Variants in MAF observed in about 807,000 individuals in gnomAD.
MAF encodes the protein transcription factor Maf.
Under a neutral mutation model 22.0 loss-of-function variants are expected in MAF, and 10 were observed. That is an observed-to-expected ratio of 0.45 (90% CI 0.28 to 0.77). The LOEUF is 0.77. Ranked by LOEUF, MAF falls within the 30% of genes least tolerant of loss-of-function variation. The pLI, the probability that MAF is intolerant of heterozygous loss-of-function variation, is 0.12. For synonymous variants in MAF, 337 were observed against 255.8 expected (o/e 1.32, Z -3.03); for missense variants, 544 against 548.4 (o/e 0.99, Z 0.08).
At chr16:79,544,065 G>A in the MAF span, among the ~76,000 whole-genome samples, 1 of 152,082 alleles carries the variant, frequency 6.6e-6, no homozygotes, top group Non-Finnish European at 1.5e-5. Flanking sequence ...ACTAAAAACG[G>A]GAAAATGTTT....
the MAF span, among the ~76,000 whole-genome samples, chr16:79,293,571 G>T: frequency 1.3e-5 from 2 of 152,280 alleles, no homozygotes; most frequent in Admixed American, 6.5e-5. Flanking sequence ...CCACATCACA[G>T]AGCTAGGAAA....
chr16:79,528,716 G>C, the MAF span, among the ~76,000 whole-genome samples: 1 of 151,820 alleles, frequency 6.6e-6, no homozygotes, highest in African/African-American at 2.4e-5. Context: ...ACTATATTAG[G>C]GCTATTATTG....
chr16:79,598,744 A>G (rs760063590), intron 1 of MAF, 41 bp downstream of exon 1: 2 of 1,613,106 alleles, frequency 1.2e-6, no homozygotes, highest in African/African-American at 1.3e-5. Context: ...CCCGCGGAGC[A>G]CTTATCAGGG....
the MAF span, among the ~76,000 whole-genome samples, chr16:79,246,551 T>G: frequency 0.13 from 9,796 of 75,954 alleles, 35 homozygotes; most frequent in Non-Finnish European, 0.18. Flanking sequence ...GGGGGGGGTG[T>G]GGGGGTGTAT....
the MAF span, among the ~76,000 whole-genome samples, chr16:79,296,855 G>A: frequency 2.0e-5 from 3 of 152,160 alleles, no homozygotes; most frequent in Non-Finnish European, 2.9e-5. Context: ...GTTTTCCCTC[G>A]TGTGTTTTTC....
chr16:79,380,689 A>G, the MAF span, among the ~76,000 whole-genome samples: 1 of 152,188 alleles, frequency 6.6e-6, no homozygotes, highest in Non-Finnish European at 1.5e-5. Context: ...CTGCTACAGA[A>G]TTTGCTCTTC....
the MAF span, chr16:79,212,014 G>A: frequency 1.3e-6 from 2 of 1,536,240 alleles, no homozygotes; most frequent in Non-Finnish European, 1.7e-6. Flanking sequence ...CTAGGCATAG[G>A]TCTCTTTGCT....
chr16:79,599,673 C>G lies in MAF; in HGVS notation c.230G>C (p.Ser77Thr). The G allele has an allele frequency of 6.2e-7, 1 of 1,612,374 alleles. No individual in the cohort carries two copies. Among genetic ancestry groups the G allele is most frequent in the Non-Finnish European group, 8.5e-7 (1 of 1,179,718 alleles). ...VPPSPSFSAPSPGSGSEQKAH... is the reference protein window; with the variant it reads ...VPPSPSFSAPTPGSGSEQKAH... ...CTTCTGCTCGCTGCCCGAGCCCGGG[C>G]TGGGCGCCGAGAAGCTGGGGGAAGG... The change falls in exon 1 of 2, where the codon AGC (serine) becomes ACC (threonine). Residue 77 changes from serine (S) to threonine (T), a missense_variant. Physicochemically the swap from Ser to Thr is moderately conservative, Grantham distance 58. This residue lies in a region of MAF where 342 missense variants were observed against 315.5 expected (regional missense o/e 1.08). Coordinates refer to ENST00000326043, the MANE Select transcript of MAF (RefSeq NM_005360.5).
chr16:79,398,757 G>A, the MAF span, among the ~76,000 whole-genome samples: 1 of 152,088 alleles, frequency 6.6e-6, no homozygotes. Context: ...TGCTCAGCTA[G>A]GCCCCTCTGT....
the MAF span, among the ~76,000 whole-genome samples, chr16:79,402,424 C>T: frequency 6.6e-6 from 1 of 152,198 alleles, no homozygotes; most frequent in Admixed American, 6.5e-5. Context: ...CACACCTAGC[C>T]CTTTCAGAGG....
the MAF span, among the ~76,000 whole-genome samples, chr16:79,242,909 C>T: frequency 6.6e-6 from 1 of 152,072 alleles, no homozygotes; most frequent in Non-Finnish European, 1.5e-5. Flanking sequence ...CTCAAAACCA[C>T]ACAACTACAT....
At chr16:79,472,366 T>C in the MAF span, among the ~76,000 whole-genome samples, 2 of 152,108 alleles carry the variant, frequency 1.3e-5, no homozygotes, top group Non-Finnish European at 2.9e-5. Flanking sequence ...AGTAGAAATA[T>C]CCCGAATGTC....
the MAF span, among the ~76,000 whole-genome samples, chr16:79,446,282 C>G: frequency 6.6e-6 from 1 of 152,074 alleles, no homozygotes; most frequent in Non-Finnish European, 1.5e-5. Flanking sequence ...AGATCAGTAC[C>G]ACCAGTTACC....
the MAF span, among the ~76,000 whole-genome samples, chr16:79,410,358 G>C: frequency 2.0e-5 from 3 of 152,162 alleles, no homozygotes; most frequent in South Asian, 6.2e-4. Context: ...TTTTTCTTTT[G>C]TCAAAGTTAA....
the MAF span, among the ~76,000 whole-genome samples, chr16:79,415,231 A>C: frequency 6.6e-6 from 1 of 152,010 alleles, no homozygotes; most frequent in Middle Eastern, 3.4e-3. Context: ...GGCACAGGAT[A>C]CAAGTCAACA....
chr16:79,518,316 T>G, the MAF span, among the ~76,000 whole-genome samples: 5 of 152,362 alleles, frequency 3.3e-5, no homozygotes, highest in Non-Finnish European at 5.9e-5. Flanking sequence ...ATTCGATGGC[T>G]TGCCTGGGAA....
In MAF at chr16:79,600,072, A is replaced by ACC. The variant is rs554070629; in HGVS notation, c.-172_-171dup. 27,890 of 746,002 alleles carry ACC rather than the reference A, an allele frequency of 0.037. 517 individuals carry two copies. Among genetic ancestry groups the ACC allele is most frequent in the Middle Eastern group, 0.059 (148 of 2,494 alleles). The allele number at this position is 746,002 out of a possible 1,614,324, so 46.2% of individuals were successfully genotyped here. ...AACCTCCGAGCGCGCTCACACACACACCCCCCCGCCCTGCCCGCGCCCCCC... is the reference window on the plus strand; with the variant it reads ...AACCTCCGAGCGCGCTCACACACACACCCCCCCCCGCCCTGCCCGCGCCCCCC... On this transcript the variant is annotated 5_prime_UTR_variant, in exon 1 of 2. Coordinates refer to ENST00000326043, the MANE Select transcript of MAF (RefSeq NM_005360.5).
the MAF span, among the ~76,000 whole-genome samples, chr16:79,304,028 G>A: frequency 9.2e-5 from 14 of 152,220 alleles, no homozygotes; most frequent in African/African-American, 3.1e-4. Flanking sequence ...GAAAGCATAT[G>A]GTTTGCATTT....
At chr16:79,562,054 C>T in the MAF span, among the ~76,000 whole-genome samples, 1 of 152,174 alleles carries the variant, frequency 6.6e-6, no homozygotes, top group Non-Finnish European at 1.5e-5. Flanking sequence ...TGTTGGTCTT[C>T]AGCGTTCTAA....
Sources: gnomAD v4.1 joint callset for allele counts (sites outside exome capture counted in the v4.1 genomes callset) on GRCh38, gnomAD v4.1.1 for gene constraint, gnomAD v4.1.1 regional missense constraint, MANE v1.5 for transcripts, NCBI Gene and HGNC (gene_info 2026-07-23, HGNC 2026-07-21) for gene names.